AXIN2: variants seen among roughly 807,000 people sequenced by gnomAD.
The protein encoded by AXIN2 is axin-2.
Under a neutral mutation model 74.7 loss-of-function variants are expected in AXIN2, and 21 were observed. The ratio of observed to expected loss-of-function variants is 0.28; its 90% CI spans 0.20 to 0.40. The LOEUF is 0.40. AXIN2 is among the 10% of genes least tolerant of loss of function. The probability of loss-of-function intolerance (pLI) is 1.00; values close to 1 mark genes in which losing one functional copy is unlikely to be tolerated. For synonymous variants in AXIN2, 532 were observed against 454.9 expected (o/e 1.17, Z -2.16); for missense variants, 1,144 against 1,111.1 (o/e 1.03, Z -0.42).
At chr17:65,554,248 C>T (rs566292732) in intron 2 of AXIN2, among the ~76,000 whole-genome samples, 3 of 152,086 alleles carry the variant, frequency 2.0e-5, no homozygotes, top group Non-Finnish European at 4.4e-5. Flanking sequence ...TCCTCCTCTT[C>T]CTCTTCCTCC....
intron 3 of AXIN2, among the ~76,000 whole-genome samples, chr17:65,546,155 C>G (rs1213319575): frequency 6.6e-6 from 1 of 151,606 alleles, no homozygotes; most frequent in Admixed American, 6.6e-5. Flanking sequence ...GAGAAACAGC[C>G]AGGGCTCTTT....
chr17:65,555,637 T>C (rs2044256609), intron 2 of AXIN2, among the ~76,000 whole-genome samples: 1 of 152,138 alleles, frequency 6.6e-6, no homozygotes, highest in Admixed American at 6.5e-5. Flanking sequence ...AACAATCCTA[T>C]GACACAGACA....
intron 10 of AXIN2, among the ~76,000 whole-genome samples, chr17:65,531,982 C>A (rs2043828077): frequency 6.6e-6 from 1 of 152,060 alleles, no homozygotes; most frequent in Non-Finnish European, 1.5e-5. Flanking sequence ...GTTGAAGCAC[C>A]AGCCCTGCTG....
At chr17:65,531,662 G>A (rs1294868489) in intron 10 of AXIN2, among the ~76,000 whole-genome samples, 1 of 152,098 alleles carries the variant, frequency 6.6e-6, no homozygotes, top group Non-Finnish European at 1.5e-5. Context: ...CCTCCAGAGA[G>A]GAGAGAGGCC....
intron 10 of AXIN2, 86 bp from the exon 11 acceptor site, chr17:65,530,188 G>A: frequency 1.9e-6 from 3 of 1,571,114 alleles, no homozygotes; most frequent in Non-Finnish European, 1.7e-6. Context: ...GGAGGACTGA[G>A]GTATCCTAGG....
At chr17:65,555,040 T>TG (rs1001722734) in intron 2 of AXIN2, among the ~76,000 whole-genome samples, 29 of 152,298 alleles carry the variant, frequency 1.9e-4, no homozygotes, top group Middle Eastern at 3.4e-3. Context: ...ACCAGAGTCC[T>TG]GCCCTCTGAG....
chr17:65,553,860 A>ATC (rs2044229301), intron 2 of AXIN2, among the ~76,000 whole-genome samples: 1 of 82,344 alleles, frequency 1.2e-5, no homozygotes, highest in Non-Finnish European at 2.6e-5. Flanking sequence ...GGGGGGGGGG[A>ATC]GGAAACTCAA....
Position 65,529,502 on chromosome 17 carries a change from C to T in AXIN2, c.*474G>A, listed in dbSNP as rs755154703. On this transcript the variant is annotated 3_prime_UTR_variant, in exon 11 of 11. Coordinates refer to ENST00000307078, the MANE Select transcript of AXIN2 (RefSeq NM_004655.4). ...AACCATGAACGCACTCCTAGCTCAA[C>T]TCCTAAGTTTAGTCAGAACAATTAA... 6.4e-5 allele frequency: 20 copies of T among 310,960 alleles called. No homozygotes were observed. In the Admixed American group the frequency reaches 6.5e-4, roughly 10 times the overall value. The allele number at this position is 310,960 out of a possible 1,614,324, so 19.3% of individuals were successfully genotyped here.
chr17:65,537,979 C>A, intron 5 of AXIN2, 144 bp from the exon 6 acceptor site: 1 of 1,340,392 alleles, frequency 7.5e-7, no homozygotes, highest in Non-Finnish European at 1.0e-6. Flanking sequence ...CACGCACAGG[C>A]CCGCCTACAC....
chr17:65,536,442 G>A lies in AXIN2; in HGVS notation c.2019C>T (p.Thr673=), dbSNP rs1450619354. Residue 673 remains threonine, a synonymous_variant, in exon 8 of 11, where the codon ACC becomes ACT. Coordinates refer to ENST00000307078, the MANE Select transcript of AXIN2 (RefSeq NM_004655.4). ...WGGNSGHPRT[T]PRAHLFTQDP... ...CCTGGGTGAACAGGTGGGCACGGGG[G>A]GTGGTGCGGGGGTGCCCGCTGTTGC... The A allele has an allele frequency of 6.2e-7, 1 of 1,601,504 alleles. No individual in the cohort carries two copies. Among genetic ancestry groups the A allele is most frequent in the Non-Finnish European group, 8.5e-7 (1 of 1,179,638 alleles).
At chr17:65,553,697 A>T (rs577259765) in intron 2 of AXIN2, among the ~76,000 whole-genome samples, 7 of 152,154 alleles carry the variant, frequency 4.6e-5, no homozygotes, top group Admixed American at 1.3e-4. Flanking sequence ...TTTTCCCACA[A>T]TCATAACAAG....
chr17:65,535,524 A>T, intron 9 of AXIN2, 102 bp downstream of exon 9: 3 of 1,208,572 alleles, frequency 2.5e-6, no homozygotes, highest in African/African-American at 1.5e-5. Context: ...AAGTGATTTT[A>T]AAAACCAAAA....
rs560812207 is a variant in AXIN2 at position 65,529,365 on chromosome 17, C to T, written c.*611G>A. ...ATAGGAAAAAAAAAAACAAAACGCA[C>T]CAATTTCTGCATGTGTCAATGGTAG... On this transcript the variant is annotated 3_prime_UTR_variant, in exon 11 of 11. Transcript: ENST00000307078. 1 of 239,202 alleles carries T rather than the reference C, an allele frequency of 4.2e-6. No individual in the cohort carries two copies. Among genetic ancestry groups the T allele is most frequent in the East Asian group, 6.0e-5 (1 of 16,704 alleles). 14.8% of individuals were successfully genotyped at this position (239,202 alleles called of 1,614,324 possible).
At chr17:65,544,871 C>G (rs966426323) in intron 3 of AXIN2, among the ~76,000 whole-genome samples, 6 of 152,182 alleles carry the variant, frequency 3.9e-5, no homozygotes, top group African/African-American at 1.2e-4. Context: ...TTTGAAATAG[C>G]AGACTCATGC....
intron 1 of AXIN2, chr17:65,559,857 C>T (rs2044336449): frequency 6.6e-6 from 1 of 152,308 alleles, no homozygotes; most frequent in South Asian, 2.1e-4. Context: ...CGACCAGAGC[C>T]TCGAGCCGCG....
At chr17:65,561,375 C>T (rs1431777331) in intron 1 of AXIN2, 75 bp downstream of exon 1, 11 of 145,962 alleles carry the variant, frequency 7.5e-5, no homozygotes, top group Non-Finnish European at 1.5e-4. Flanking sequence ...CGCCGCGGCT[C>T]GGCGCGACCT....
Position 65,558,474 on chromosome 17 carries a change from C to A in AXIN2, c.147G>T (p.Met49Ile). 6.2e-7 allele frequency: 1 copy of A among 1,606,926 alleles called. No individual in the cohort carries two copies. The highest frequency in any genetic ancestry group is 1.1e-5 in the South Asian group (1 of 90,316). The change falls in exon 2 of 11, where the codon ATG becomes ATT. Residue 49 changes from methionine (M) to isoleucine (I), a missense_variant. Around this residue, in one of 4 missense-constraint regions of AXIN2, gnomAD observed 1,053 missense variants for 973.5 expected, o/e 1.08. Transcript: ENST00000307078. ...GVGKGQVTKP[M>I]PVSSNTRRNE... ...TCCGCCTGGTGTTGGAAGAGACAGG[C>A]ATGGGTTTGGTGACCTGGCCCTTGC...
chr17:65,547,307 C>T (rs568254985), intron 3 of AXIN2, among the ~76,000 whole-genome samples: 3 of 152,158 alleles, frequency 2.0e-5, no homozygotes, highest in East Asian at 3.9e-4. Flanking sequence ...CATGACCAAC[C>T]GGTCCTATTC....
At chr17:65,537,254 T>G in intron 6 of AXIN2, 70 bp downstream of exon 6, 2 of 1,605,058 alleles carry the variant, frequency 1.2e-6, no homozygotes, top group Non-Finnish European at 8.5e-7. Context: ...GGCTCCCACC[T>G]CACACCTGCC....
Sources: allele counts gnomAD v4.1 joint callset (sites outside exome capture counted in the v4.1 genomes callset), GRCh38; gene constraint gnomAD v4.1.1; regional missense constraint gnomAD v4.1.1; transcripts MANE v1.5; gene names NCBI Gene and HGNC (gene_info 2026-07-23, HGNC 2026-07-21).